The following CPLANE1 variants were observed in gnomAD, a reference collection of about 807,000 sequenced individuals.
CPLANE1 encodes the protein ciliogenesis and planar polarity effector 1.
Under a neutral mutation model 362.5 loss-of-function variants are expected in CPLANE1, and 263 were observed. The observed-to-expected ratio is 0.73, with a 90% confidence interval of 0.66 to 0.80. The LOEUF (loss-of-function observed/expected upper bound fraction) is 0.80. Ranked by LOEUF, CPLANE1 falls within the 30% of genes least tolerant of loss-of-function variation. The pLI, the probability that CPLANE1 is intolerant of heterozygous loss-of-function variation, is 0.00. For missense variants in CPLANE1, 3,461 were observed against 3,793.4 expected (o/e 0.91, Z 2.30); for synonymous variants, 1,212 against 1,302.6 (o/e 0.93, Z 1.50).
intron 41 of CPLANE1, among the ~76,000 whole-genome samples, chr5:37,154,387 A>C (rs1267448090): frequency 6.6e-6 from 1 of 151,786 alleles, no homozygotes; most frequent in Admixed American, 6.6e-5. Flanking sequence ...AACCTCCTAA[A>C]ACCAAAATCA....
At position 37,158,207 on chromosome 5, in the gene CPLANE1, C is replaced by G; in HGVS notation, c.7812+17G>C. ...TAGCGCAAAGGTATTATTAAAACTT[C>G]TGAATAAAACACAAACCAAGTTTGT... On this transcript the variant is annotated intron_variant, in intron 39 of 52. Transcript: ENST00000651892. 1 of 1,612,138 alleles carries G rather than the reference C, an allele frequency of 6.2e-7. No individual in the cohort carries two copies. Among genetic ancestry groups the G allele is most frequent in the Admixed American group, 1.7e-5 (1 of 59,872 alleles).
At chr5:37,231,529 T>C (rs1346431992) in intron 8 of CPLANE1, among the ~76,000 whole-genome samples, 1 of 152,166 alleles carries the variant, frequency 6.6e-6, no homozygotes, top group East Asian at 1.9e-4. Context: ...ATCATACCAC[T>C]GCACTCCAGT....
In CPLANE1 at chr5:37,157,688, G is replaced by T; in HGVS notation, c.7993C>A (p.His2665Asn). The change falls in exon 40 of 53, where the codon CAT (histidine) becomes AAT (asparagine). Residue 2665 changes from histidine (H) to asparagine (N), a missense_variant. Around this residue, in one of 2 missense-constraint regions of CPLANE1, gnomAD observed 3,380 missense variants for 3,666.1 expected, o/e 0.92. Transcript: ENST00000651892. ...AAATTACCTTGACTCTTAAAATTAT[G>T]TGGGGGAACAGCATTAGTAACTGAA... ...AASVTNAVPP[H>N]NFKSQEVTPA... 6.2e-7 allele frequency: 1 copy of T among 1,613,090 alleles called. No homozygotes were observed. The highest frequency in any genetic ancestry group is 2.2e-5 in the East Asian group (1 of 44,846).
rs1044536894 is a variant in CPLANE1 at position 37,198,811 on chromosome 5, G to C, written c.3563C>G (p.Ser1188Cys). 1 of 1,614,054 alleles carries C rather than the reference G, an allele frequency of 6.2e-7. No homozygotes were observed. The highest frequency in any genetic ancestry group is 1.7e-5 in the Admixed American group (1 of 60,006). The stretch of plus-strand genomic sequence containing the variant: ...CAGGAGAACACGCTGAAGGATTCCA[G>C]ATACCTTCTGGCGATTATTTTTTTC... ...KAEKNNRQKV[S>C]GILQRVLLLF... Residue 1188 changes from serine to cysteine, a missense_variant, in exon 20 of 53, where the codon TCT becomes TGT. Coordinates refer to ENST00000651892, the MANE Select transcript of CPLANE1 (RefSeq NM_001384732.1).
chr5:37,124,119 T>A (rs1323571503), intron 47 of CPLANE1, among the ~76,000 whole-genome samples: 2 of 152,206 alleles, frequency 1.3e-5, no homozygotes, highest in Non-Finnish European at 2.9e-5. Context: ...TTGCACACTT[T>A]AAACAATAGT....
At chr5:37,207,350 A>AC (rs1168133052) in intron 16 of CPLANE1, among the ~76,000 whole-genome samples, 1 of 152,238 alleles carries the variant, frequency 6.6e-6, no homozygotes, top group African/African-American at 2.4e-5. Flanking sequence ...AGGAAAAACA[A>AC]AAAGTTTTCA....
At chr5:37,155,333 C>T (rs1774770396) in intron 41 of CPLANE1, among the ~76,000 whole-genome samples, 1 of 152,302 alleles carries the variant, frequency 6.6e-6, no homozygotes, top group Admixed American at 6.5e-5. Flanking sequence ...AACGAACAAA[C>T]AAAATACTAC....
intron 46 of CPLANE1, among the ~76,000 whole-genome samples, chr5:37,128,892 G>A (rs548724586): frequency 1.2e-4 from 18 of 151,520 alleles, no homozygotes; most frequent in East Asian, 7.7e-4. Flanking sequence ...ATTCTTCACC[G>A]AACTGGAAAA....
intron 20 of CPLANE1, among the ~76,000 whole-genome samples, chr5:37,197,182 G>A (rs1434997964): frequency 6.6e-6 from 1 of 151,922 alleles, no homozygotes; most frequent in Non-Finnish European, 1.5e-5. Flanking sequence ...AAATATATTT[G>A]GAGATGATAA....
chr5:37,239,600 A>T, intron 7 of CPLANE1, 113 bp downstream of exon 7: 1 of 672,216 alleles, frequency 1.5e-6, no homozygotes, highest in Non-Finnish European at 2.1e-6. Context: ...AAAAAAAAAA[A>T]CCAGAAAGAA....
At chr5:37,178,863 A>T (rs1203397513) in intron 29 of CPLANE1, among the ~76,000 whole-genome samples, 1 of 152,044 alleles carries the variant, frequency 6.6e-6, no homozygotes, top group Non-Finnish European at 1.5e-5. Flanking sequence ...GAGTCAAATG[A>T]TCCTCTCACC....
intron 15 of CPLANE1, among the ~76,000 whole-genome samples, chr5:37,214,952 T>C (rs1793625161): frequency 6.6e-6 from 1 of 152,270 alleles, no homozygotes. Context: ...CAGCTATGGT[T>C]GTCTACCATT....
chr5:37,152,686 G>T (rs1452143379), intron 42 of CPLANE1, among the ~76,000 whole-genome samples: 1 of 152,018 alleles, frequency 6.6e-6, no homozygotes, highest in Non-Finnish European at 1.5e-5. Context: ...AAGAATTCAA[G>T]GCTAGTTCAA....
the CPLANE1 span, among the ~76,000 whole-genome samples, chr5:37,093,542 G>A: frequency 0.02 from 2,991 of 152,282 alleles, 80 homozygotes; most frequent in African/African-American, 0.048. Flanking sequence ...ATGGAAGGGT[G>A]TGCAAGATCA....
chr5:37,236,658 C>G (rs1293705812), intron 8 of CPLANE1, among the ~76,000 whole-genome samples: 1 of 150,320 alleles, frequency 6.7e-6, no homozygotes, highest in African/African-American at 2.5e-5. Context: ...AAAATATTTG[C>G]ACACTATGTG....
chr5:37,141,192 T>C (rs1401790320), intron 44 of CPLANE1: 1 of 985,266 alleles, frequency 1.0e-6, no homozygotes, highest in African/African-American at 1.7e-5. Context: ...ATGCCTCCAT[T>C]CTATTTTTCC....
intron 32 of CPLANE1, among the ~76,000 whole-genome samples, chr5:37,172,302 G>C (rs1780026653): frequency 6.6e-6 from 1 of 152,154 alleles, no homozygotes; most frequent in Non-Finnish European, 1.5e-5. Context: ...TCTAAGGTTA[G>C]CCACTGCTAT....
chr5:37,157,755 A>G lies in CPLANE1; in HGVS notation c.7926T>C (p.His2642=). The change falls in exon 40 of 53, where the codon CAT becomes CAC. Residue 2642 remains histidine (H), a synonymous_variant. Coordinates refer to ENST00000651892, the MANE Select transcript of CPLANE1 (RefSeq NM_001384732.1). ...ACTCTGCAGACGATGGAACTGCTAG[A>G]TGATCGCTTTGCTGTTTGATAACAT... ...NDNVIKQQSD[H]LAVPSSAELH... 6.2e-7 allele frequency: 1 copy of G among 1,613,946 alleles called. No individual in the cohort carries two copies. Among genetic ancestry groups the G allele is most frequent in the South Asian group, 1.1e-5 (1 of 91,072 alleles).
At chr5:37,103,916 G>C (rs1757417307), downstream of CPLANE1, among the ~76,000 whole-genome samples, 1 of 152,112 alleles carries the variant, frequency 6.6e-6, no homozygotes. Context: ...GGCCTGTCTT[G>C]CTAGGTTGGG....
Sources: allele counts gnomAD v4.1 joint callset (sites outside exome capture counted in the v4.1 genomes callset), GRCh38; gene constraint gnomAD v4.1.1; regional missense constraint gnomAD v4.1.1; transcripts MANE v1.5; gene names NCBI Gene and HGNC (gene_info 2026-07-23, HGNC 2026-07-21).